Variants in KCTD8 observed in about 807,000 individuals in gnomAD.
KCTD8 encodes potassium channel tetramerization domain containing 8.
Under a neutral mutation model 31.5 loss-of-function variants are expected in KCTD8, and 27 were observed. The observed-to-expected ratio is 0.86, with a 90% CI of 0.63 to 1.18. The LOEUF is 1.18. Ranked by LOEUF, KCTD8 falls within the 50% of genes most tolerant of loss-of-function variation. The pLI is 0.00. For synonymous variants in KCTD8, 290 were observed against 280.0 expected, an observed-to-expected ratio of 1.04 and a Z score of -0.36; for missense variants, 658 against 647.7, an observed-to-expected ratio of 1.02 and a Z score of -0.17.
intron 1 of KCTD8, among the ~76,000 whole-genome samples, chr4:44,336,471 T>C (rs1718748644): frequency 6.6e-6 from 1 of 151,956 alleles, no homozygotes; most frequent in Admixed American, 6.6e-5. Context: ...CATACTCAAT[T>C]AGACAACATT....
At chr4:44,248,338 CCAA>C (rs909800975) in intron 1 of KCTD8, among the ~76,000 whole-genome samples, 1 of 150,400 alleles carries the variant, frequency 6.6e-6, no homozygotes, top group African/African-American at 2.4e-5. Flanking sequence ...TCTGGCAATC[CCAA>C]CAACAGGAGA....
chr4:44,346,024 T>C (rs978602994), intron 1 of KCTD8, among the ~76,000 whole-genome samples: 31 of 152,130 alleles, frequency 2.0e-4, no homozygotes, highest in African/African-American at 6.5e-4. Flanking sequence ...GCGTTCATAA[T>C]TTATATGGTT....
chr4:44,312,987 CA>C (rs1717998981), intron 1 of KCTD8, among the ~76,000 whole-genome samples: 1 of 152,108 alleles, frequency 6.6e-6, no homozygotes, highest in Admixed American at 6.6e-5. Context: ...ACTATCTTTC[CA>C]AACTCATACT....
intron 1 of KCTD8, among the ~76,000 whole-genome samples, chr4:44,444,807 G>C (rs1258647216): frequency 7.0e-6 from 1 of 142,084 alleles, no homozygotes; most frequent in African/African-American, 2.5e-5. Context: ...GGTTGGGGGG[G>C]AATAACATTG....
intron 1 of KCTD8, among the ~76,000 whole-genome samples, chr4:44,217,263 C>G (rs148923661): frequency 6.6e-6 from 1 of 152,010 alleles, no homozygotes; most frequent in Non-Finnish European, 1.5e-5. Context: ...ATATCTAAGA[C>G]GCTTGGGATA....
chr4:44,185,338 C>T (rs1380405709), intron 1 of KCTD8, among the ~76,000 whole-genome samples: 1 of 152,194 alleles, frequency 6.6e-6, no homozygotes, highest in African/African-American at 2.4e-5. Flanking sequence ...ATTATATTTC[C>T]TAACCAATTC....
In KCTD8 at chr4:44,448,524, A is replaced by T. The variant is rs1722019360; in HGVS notation, c.-1T>A. On this transcript the variant is annotated 5_prime_UTR_variant, in exon 1 of 2. Coordinates refer to ENST00000360029, the MANE Select transcript of KCTD8 (RefSeq NM_198353.3). The surrounding 1 kb of genome is among the most constrained non-coding windows in gnomAD (Gnocchi z 4.1). ...CGCTGCCCGTGTCCTTCAGAGCCAT[A>T]GTCCCCCCGCCGCCGGCCCAGTGAC... 1.4e-6 allele frequency: 2 copies of T among 1,459,260 alleles called. No homozygotes were observed. Among genetic ancestry groups the T allele is most frequent in the African/African-American group, 2.9e-5 (2 of 68,758 alleles). 90.4% of individuals were successfully genotyped at this position (1,459,260 alleles called of 1,614,324 possible).
At chr4:44,360,122 C>T (rs943644130) in intron 1 of KCTD8, among the ~76,000 whole-genome samples, 4 of 151,398 alleles carry the variant, frequency 2.6e-5, no homozygotes, top group African/African-American at 9.7e-5. Context: ...TTAAATGTTG[C>T]CTTTTATATT....
chr4:44,347,288 T>A, intron 1 of KCTD8, among the ~76,000 whole-genome samples: 1 of 152,210 alleles, frequency 6.6e-6, no homozygotes, highest in Non-Finnish European at 1.5e-5. Flanking sequence ...TCCATGACAA[T>A]CATGGTTGGA....
At chr4:44,230,646 A>G (rs1188736985) in intron 1 of KCTD8, among the ~76,000 whole-genome samples, 1 of 152,226 alleles carries the variant, frequency 6.6e-6, no homozygotes, top group Non-Finnish European at 1.5e-5. Context: ...GTAAAGAGAC[A>G]AAGTGACAGG....
chr4:44,280,188 G>C (rs1182336100), intron 1 of KCTD8, among the ~76,000 whole-genome samples: 2 of 152,030 alleles, frequency 1.3e-5, no homozygotes, highest in East Asian at 1.9e-4. Context: ...AGCATGCCAA[G>C]GCCAAAGCAC....
intron 1 of KCTD8, among the ~76,000 whole-genome samples, chr4:44,242,608 CA>C (rs544763524): frequency 5.5e-5 from 8 of 146,564 alleles, no homozygotes; most frequent in East Asian, 2.0e-4. Flanking sequence ...ACAAACAAAA[CA>C]AAAAAAAAAC....
intron 1 of KCTD8, among the ~76,000 whole-genome samples, chr4:44,370,958 T>G (rs1252580978): frequency 6.6e-6 from 1 of 152,076 alleles, no homozygotes; most frequent in Non-Finnish European, 1.5e-5. Flanking sequence ...TTGGCTCATA[T>G]GATATGGAAG....
At chr4:44,284,163 C>G (rs1203303652) in intron 1 of KCTD8, among the ~76,000 whole-genome samples, 2 of 152,086 alleles carry the variant, frequency 1.3e-5, no homozygotes, top group Admixed American at 1.3e-4. Context: ...AAAGAGCCCA[C>G]ATAGCCAAGA....
intron 1 of KCTD8, among the ~76,000 whole-genome samples, chr4:44,294,958 C>G (rs1159700553): frequency 6.6e-6 from 1 of 151,918 alleles, no homozygotes; most frequent in Admixed American, 6.6e-5. Context: ...AAGAAGGTAA[C>G]AAAATGTTCT....
rs1021874338 is a variant in KCTD8 at position 44,276,190 on chromosome 4, T to A, written c.962-100940A>T. Among the ~76,000 whole-genome samples the A allele has an allele frequency of 2.0e-5, 3 of 152,000 alleles. No individual in the cohort carries two copies. The South Asian group carries it at 6.2e-4, about 31-fold the overall frequency. On this transcript the variant is annotated intron_variant, in intron 1 of 1. Transcript: ENST00000360029. ...TGGTCTTTTTATTAATGTATCCCCA[T>A]GTATGGATTATTCTAAACAATTTCC...
chr4:44,272,020 T>C (rs1357564696), intron 1 of KCTD8, among the ~76,000 whole-genome samples: 1 of 151,742 alleles, frequency 6.6e-6, no homozygotes, highest in Non-Finnish European at 1.5e-5. Context: ...AATGAGAAAG[T>C]ACCTATATCT....
At chr4:44,203,946 A>G (rs1294651470) in intron 1 of KCTD8, among the ~76,000 whole-genome samples, 1 of 151,992 alleles carries the variant, frequency 6.6e-6, no homozygotes, top group Non-Finnish European at 1.5e-5. Flanking sequence ...TTAGTAATAA[A>G]AAAAAGCATG....
intron 1 of KCTD8, among the ~76,000 whole-genome samples, chr4:44,287,669 A>T (rs1424537265): frequency 6.6e-6 from 1 of 152,188 alleles, no homozygotes; most frequent in South Asian, 2.1e-4. Context: ...CACCTAATCT[A>T]AGATAAACAA....
Sources: gnomAD v4.1 joint callset for allele counts (sites outside exome capture counted in the v4.1 genomes callset) on GRCh38, gnomAD v4.1.1 for gene constraint, Gnocchi (gnomAD v3.1) non-coding constraint, MANE v1.5 for transcripts, NCBI Gene and HGNC (gene_info 2026-07-23, HGNC 2026-07-21) for gene names.